The following CHN2 variants were observed in gnomAD, a reference collection of about 807,000 sequenced individuals.
The protein encoded by CHN2 is chimerin 2.
CHN2 carries 35 observed loss-of-function variants against 56.3 expected under a neutral mutation model. That is an observed-to-expected ratio of 0.62 (90% CI 0.47 to 0.82). The LOEUF is 0.82. Among genes scored for constraint, CHN2 ranks in the 40% least tolerant of loss-of-function variants. The pLI, the probability that CHN2 is intolerant of heterozygous loss-of-function variation, is 0.00. For synonymous variants in CHN2, 210 were observed against 212.8 expected (o/e 0.99, Z 0.12); for missense variants, 491 against 580.5 (o/e 0.85, Z 1.58).
At chr7:29,430,593 A>G (rs868362691) in intron 6 of CHN2, among the ~76,000 whole-genome samples, 1 of 152,140 alleles carries the variant, frequency 6.6e-6, no homozygotes, top group Non-Finnish European at 1.5e-5. Flanking sequence ...TTGGTTGGCT[A>G]AAGCTCAGCT....
chr7:29,504,896 T>C (rs753368213), intron 10 of CHN2, 75 bp downstream of exon 10: 9 of 1,027,312 alleles, frequency 8.8e-6, no homozygotes, highest in Non-Finnish European at 1.4e-5. Flanking sequence ...TTAATCATAG[T>C]AGAAATGGGG....
chr7:29,442,578 G>GGT (rs1783721018), intron 6 of CHN2, among the ~76,000 whole-genome samples: 1 of 152,162 alleles, frequency 6.6e-6, no homozygotes, highest in Admixed American at 6.5e-5. Context: ...AGAGTTCAGG[G>GGT]TATTTACCTC....
chr7:29,271,198 G>A (rs989109697), intron 1 of CHN2, among the ~76,000 whole-genome samples: 1 of 152,176 alleles, frequency 6.6e-6, no homozygotes, highest in African/African-American at 2.4e-5. Context: ...TAAGCATCAA[G>A]CCTGATTTAA....
chr7:29,257,868 G>A (rs777446460), intron 1 of CHN2, among the ~76,000 whole-genome samples: 1 of 152,090 alleles, frequency 6.6e-6, no homozygotes, highest in Non-Finnish European at 1.5e-5. Context: ...GCTCACTGCA[G>A]CTTCGACCTC....
chr7:29,204,550 A>G (rs1433933143), intron 1 of CHN2, among the ~76,000 whole-genome samples: 1 of 152,196 alleles, frequency 6.6e-6, no homozygotes, highest in East Asian at 1.9e-4. Context: ...TGATTTTCAT[A>G]TACACAGAGA....
chr7:29,400,244 C>T (rs1802091534), intron 5 of CHN2: 2 of 414,286 alleles, frequency 4.8e-6, no homozygotes, highest in South Asian at 7.3e-5. Flanking sequence ...TTTCTAGGAT[C>T]AAACGACTCC....
intron 2 of CHN2, among the ~76,000 whole-genome samples, chr7:29,363,488 C>T (rs1798894938): frequency 6.6e-6 from 1 of 151,764 alleles, no homozygotes; most frequent in African/African-American, 2.4e-5. Context: ...CCATCTCAAA[C>T]ACCACCACCA....
At chr7:29,246,077 C>T (rs1292770572) in intron 1 of CHN2, among the ~76,000 whole-genome samples, 1 of 152,116 alleles carries the variant, frequency 6.6e-6, no homozygotes, top group Non-Finnish European at 1.5e-5. Context: ...ATCCATAGAG[C>T]ACTTGGCAAA....
chr7:29,265,992 A>G (rs1790106573), intron 1 of CHN2, among the ~76,000 whole-genome samples: 1 of 152,212 alleles, frequency 6.6e-6, no homozygotes, highest in Admixed American at 6.5e-5. Flanking sequence ...GAAAAGTTCA[A>G]GGCCTGAGCA....
chr7:29,328,301 C>T (rs1795960512), intron 1 of CHN2, among the ~76,000 whole-genome samples: 1 of 152,306 alleles, frequency 6.6e-6, no homozygotes, highest in Middle Eastern at 3.4e-3. Flanking sequence ...ATTAGATTTG[C>T]AAGAGTACAG....
chr7:29,236,160 G>A (rs917686293), intron 1 of CHN2, among the ~76,000 whole-genome samples: 3 of 152,190 alleles, frequency 2.0e-5, no homozygotes, highest in African/African-American at 4.8e-5. Flanking sequence ...AAGCTTCCCT[G>A]GAGGAGAAAG....
chr7:29,389,883 C>T (rs1318237690), intron 3 of CHN2, among the ~76,000 whole-genome samples: 1 of 151,424 alleles, frequency 6.6e-6, no homozygotes, highest in Non-Finnish European at 1.5e-5. Flanking sequence ...GTGAAACCCC[C>T]GTCTCTACTA....
chr7:29,319,362 G>C (rs1246609886), intron 1 of CHN2, among the ~76,000 whole-genome samples: 1 of 152,046 alleles, frequency 6.6e-6, no homozygotes, highest in Admixed American at 6.5e-5. Context: ...CATGTTGAGG[G>C]GAGGAGGAGG....
intron 1 of CHN2, among the ~76,000 whole-genome samples, chr7:29,344,268 A>G (rs9886210): frequency 0.26 from 39,681 of 151,874 alleles, 5,393 homozygotes; most frequent in Non-Finnish European, 0.3. Flanking sequence ...CCATCTTCTC[A>G]TCCTCCAGTC....
chr7:29,465,605 T>C (rs895121914), intron 6 of CHN2, among the ~76,000 whole-genome samples: 1 of 152,220 alleles, frequency 6.6e-6, no homozygotes, highest in African/African-American at 2.4e-5. Flanking sequence ...GACAGCTTAC[T>C]TAGCTCCAGA....
At chr7:29,372,411 T>C (rs1354432565) in intron 3 of CHN2, among the ~76,000 whole-genome samples, 1 of 152,116 alleles carries the variant, frequency 6.6e-6, no homozygotes, top group Non-Finnish European at 1.5e-5. Flanking sequence ...TATTGCCTTG[T>C]TTATTGTATC....
At chr7:29,204,186 A>G (rs1414353740) in intron 1 of CHN2, among the ~76,000 whole-genome samples, 1 of 152,010 alleles carries the variant, frequency 6.6e-6, no homozygotes. Context: ...GTTTACATAC[A>G]CATCCACACA....
chr7:29,164,078 A>G (rs183400695), intron 2 of CHN2, among the ~76,000 whole-genome samples: 1 of 152,330 alleles, frequency 6.6e-6, no homozygotes, highest in Non-Finnish European at 1.5e-5. Context: ...TTCAAGCTAT[A>G]AAATTGTTCT....
At chr7:29,266,923 G>A (rs1790193952) in intron 1 of CHN2, among the ~76,000 whole-genome samples, 1 of 146,544 alleles carries the variant, frequency 6.8e-6, no homozygotes, top group East Asian at 2.3e-4. Flanking sequence ...GAAGAGCACA[G>A]ATGAAGTGCA....
Sources: gnomAD v4.1 joint callset for allele counts (sites outside exome capture counted in the v4.1 genomes callset) on GRCh38, gnomAD v4.1.1 for gene constraint, MANE v1.5 for transcripts, NCBI Gene and HGNC (gene_info 2026-07-23, HGNC 2026-07-21) for gene names.